The following FSTL5 variants were observed in gnomAD, a reference collection of about 807,000 sequenced individuals.
FSTL5 encodes follistatin-related protein 5.
A neutral mutation model predicts 89.1 loss-of-function variants in FSTL5; 62 were observed. That is an observed-to-expected ratio of 0.70 (90% CI 0.57 to 0.86). The LOEUF (loss-of-function observed/expected upper bound fraction) is 0.86. Ranked by LOEUF, FSTL5 falls within the 40% of genes least tolerant of loss-of-function variation. FSTL5 has a pLI of 0.00. For missense variants in FSTL5, 1,057 were observed against 1,001.6 expected (o/e 1.06, Z -0.75); for synonymous variants, 383 against 346.2 (o/e 1.11, Z -1.18).
chr4:162,152,882 C>T (rs1733284447), intron 1 of FSTL5, among the ~76,000 whole-genome samples: 3 of 150,750 alleles, frequency 2.0e-5, no homozygotes, highest in South Asian at 2.1e-4. Context: ...AAAAAAAAAC[C>T]GACAACATAT....
chr4:162,133,891 A>G (rs1327792421), intron 1 of FSTL5, among the ~76,000 whole-genome samples: 6 of 152,190 alleles, frequency 3.9e-5, no homozygotes, highest in Non-Finnish European at 8.8e-5. Flanking sequence ...AGCCAATGCC[A>G]ACCAGTTGTT....
At chr4:161,860,132 C>CAA (rs1426500987) in intron 4 of FSTL5, among the ~76,000 whole-genome samples, 1 of 151,762 alleles carries the variant, frequency 6.6e-6, no homozygotes, top group Non-Finnish European at 1.5e-5. Flanking sequence ...ACTAAAAATA[C>CAA]AAAAAATTAG....
At chr4:161,419,751 A>T (rs932726163) in intron 15 of FSTL5, among the ~76,000 whole-genome samples, 2 of 152,192 alleles carry the variant, frequency 1.3e-5, no homozygotes, top group African/African-American at 4.8e-5. Flanking sequence ...TCATAGGTTC[A>T]GGAATCAAAG....
intron 8 of FSTL5, among the ~76,000 whole-genome samples, chr4:161,564,489 A>G (rs1223153643): frequency 6.7e-6 from 1 of 150,106 alleles, no homozygotes; most frequent in Admixed American, 6.7e-5. Context: ...TTAATTGATA[A>G]CTAATATAAT....
At chr4:161,460,271 G>A (rs1733511943) in intron 13 of FSTL5, among the ~76,000 whole-genome samples, 2 of 150,404 alleles carry the variant, frequency 1.3e-5, no homozygotes, top group African/African-American at 4.9e-5. Flanking sequence ...TAAGCTCTAG[G>A]GTACATACGC....
rs1177116478 is a variant in FSTL5, at chr4:161,869,286, A to G, written c.409+51118T>C. Among the ~76,000 whole-genome samples, 2 of 152,238 alleles carry G rather than the reference A, an allele frequency of 1.3e-5. 1 individual carries two copies. The highest frequency in any genetic ancestry group is 4.1e-4 in the South Asian group (2 of 4,836). ...GTGATGTATGCAAATTCTTTTAAAC[A>G]TAAGATACTCAGTGGGTGATAATAA... On this transcript the variant is annotated intron_variant, in intron 4 of 15. Coordinates refer to ENST00000306100, the MANE Select transcript of FSTL5 (RefSeq NM_020116.5).
chr4:161,735,418 A>T (rs1739775381), intron 6 of FSTL5, among the ~76,000 whole-genome samples: 1 of 152,100 alleles, frequency 6.6e-6, no homozygotes, highest in Admixed American at 6.6e-5. Flanking sequence ...TCAACTTGAG[A>T]TTTAGCCCCT....
At chr4:161,477,911 T>A (rs1352029456) in intron 13 of FSTL5, among the ~76,000 whole-genome samples, 1 of 152,058 alleles carries the variant, frequency 6.6e-6, no homozygotes, top group African/African-American at 2.4e-5. Flanking sequence ...TTAAATGTAG[T>A]ATTAGTTAAA....
intron 13 of FSTL5, among the ~76,000 whole-genome samples, chr4:161,474,898 C>T (rs1734078141): frequency 6.6e-6 from 1 of 152,016 alleles, no homozygotes; most frequent in South Asian, 2.1e-4. Flanking sequence ...TGCTGGGCTA[C>T]GTTGAACATT....
intron 3 of FSTL5, among the ~76,000 whole-genome samples, chr4:161,993,801 ATG>A (rs1736208209): frequency 1.3e-5 from 2 of 152,112 alleles, no homozygotes; most frequent in African/African-American, 4.8e-5. Context: ...GTTTTTGTCA[ATG>A]TGTTTGTGTC....
At chr4:161,716,696 T>A (rs1738997661) in intron 6 of FSTL5, among the ~76,000 whole-genome samples, 1 of 152,222 alleles carries the variant, frequency 6.6e-6, no homozygotes, top group South Asian at 2.1e-4. Context: ...ACATGATATT[T>A]TACATGATTA....
chr4:161,938,919 T>G (rs573973104), intron 3 of FSTL5, among the ~76,000 whole-genome samples: 15 of 152,046 alleles, frequency 9.9e-5, no homozygotes, highest in Admixed American at 7.2e-4. Context: ...GTTTCCAGCA[T>G]CAAATGTTAA....
At chr4:162,153,391 A>G (rs1422861384) in intron 1 of FSTL5, among the ~76,000 whole-genome samples, 1 of 151,484 alleles carries the variant, frequency 6.6e-6, no homozygotes, top group Non-Finnish European at 1.5e-5. Flanking sequence ...TTTACTTTTT[A>G]CCTGAACACT....
At chr4:161,869,214 G>T (rs911632694) in intron 4 of FSTL5, among the ~76,000 whole-genome samples, 39 of 152,006 alleles carry the variant, frequency 2.6e-4, no homozygotes, top group African/African-American at 4.8e-4. Flanking sequence ...AATAAATAAA[G>T]AAATAAATAA....
intron 2 of FSTL5, among the ~76,000 whole-genome samples, chr4:162,092,879 G>A (rs1730600939): frequency 6.8e-6 from 1 of 147,246 alleles, no homozygotes; most frequent in Non-Finnish European, 1.5e-5. Flanking sequence ...TACCGGGGAG[G>A]CAGAGGTTGC....
At chr4:161,749,953 C>G (rs915819959) in intron 6 of FSTL5, among the ~76,000 whole-genome samples, 6 of 151,802 alleles carry the variant, frequency 4.0e-5, no homozygotes, top group African/African-American at 1.5e-4. Flanking sequence ...CCAGTCCCCA[C>G]CATTACAGCA....
intron 9 of FSTL5, among the ~76,000 whole-genome samples, chr4:161,541,642 T>C (rs1279481678): frequency 6.6e-6 from 1 of 152,002 alleles, no homozygotes; most frequent in African/African-American, 2.4e-5. Flanking sequence ...TAAAAATGTA[T>C]AATGATTATA....
At chr4:161,855,616 G>A (rs1057021852) in intron 4 of FSTL5, among the ~76,000 whole-genome samples, 1 of 151,978 alleles carries the variant, frequency 6.6e-6, no homozygotes, top group Non-Finnish European at 1.5e-5. Context: ...TACAGAAAAG[G>A]TAAGAAAATC....
At chr4:162,109,104 T>C (rs1487172522) in intron 2 of FSTL5, among the ~76,000 whole-genome samples, 2 of 152,042 alleles carry the variant, frequency 1.3e-5, no homozygotes, top group African/African-American at 2.4e-5. Flanking sequence ...AATAATGCGA[T>C]GTATGGACCC....
Sources: gnomAD v4.1 joint callset for allele counts (sites outside exome capture counted in the v4.1 genomes callset) on GRCh38, gnomAD v4.1.1 for gene constraint, MANE v1.5 for transcripts, NCBI Gene and HGNC (gene_info 2026-07-23, HGNC 2026-07-21) for gene names.